The following ELMO1 variants were observed in gnomAD, a reference collection of about 807,000 sequenced individuals.
ELMO1 encodes the protein engulfment and cell motility 1.
In ELMO1, 26 loss-of-function variants were observed where a neutral mutation model predicts 98.9. That is an observed-to-expected ratio of 0.26 (90% CI 0.19 to 0.36). The LOEUF is 0.36. Among genes scored for constraint, ELMO1 ranks in the 10% least tolerant of loss-of-function variants. ELMO1 has a pLI of 1.00. For missense variants in ELMO1, 627 were observed against 935.2 expected (o/e 0.67, Z 4.30); for synonymous variants, 346 against 346.0 (o/e 1.00, Z 0.00).
intron 15 of ELMO1, among the ~76,000 whole-genome samples, chr7:37,047,869 A>G (rs903922209): frequency 3.3e-5 from 5 of 152,114 alleles, no homozygotes; most frequent in Admixed American, 2.0e-4. Flanking sequence ...TTTCCTAGTA[A>G]AAAAAATTGT....
intron 16 of ELMO1, among the ~76,000 whole-genome samples, chr7:36,969,948 T>C (rs1218696483): frequency 6.6e-6 from 1 of 152,160 alleles, no homozygotes; most frequent in Non-Finnish European, 1.5e-5. Flanking sequence ...AGATTTCTAT[T>C]TTTCAAGAAT....
At chr7:37,316,491 C>A (rs1303749981) in intron 2 of ELMO1, among the ~76,000 whole-genome samples, 1 of 152,192 alleles carries the variant, frequency 6.6e-6, no homozygotes, top group Non-Finnish European at 1.5e-5. Flanking sequence ...GCCAATCATG[C>A]AGCAGCTTGA....
At chr7:37,114,202 G>A (rs760230104) in intron 14 of ELMO1, among the ~76,000 whole-genome samples, 1 of 152,190 alleles carries the variant, frequency 6.6e-6, no homozygotes, top group African/African-American at 2.4e-5. Context: ...CTTTCCTAAC[G>A]TTCTGGCTAC....
intron 1 of ELMO1, among the ~76,000 whole-genome samples, chr7:37,431,058 C>T (rs1327178052): frequency 2.6e-5 from 4 of 152,198 alleles, no homozygotes; most frequent in Non-Finnish European, 5.9e-5. Context: ...CTACCTTGGC[C>T]AGGTGCAGTG....
At chr7:37,153,579 G>A (rs1375250559) in intron 13 of ELMO1, among the ~76,000 whole-genome samples, 1 of 152,180 alleles carries the variant, frequency 6.6e-6, no homozygotes, top group Non-Finnish European at 1.5e-5. Flanking sequence ...GCCTGGCAGG[G>A]GGAGGGGTGT....
At chr7:37,016,648 G>A (rs1428396318) in intron 15 of ELMO1, among the ~76,000 whole-genome samples, 3 of 152,212 alleles carry the variant, frequency 2.0e-5, no homozygotes, top group Non-Finnish European at 4.4e-5. Context: ...CCTGCTGACT[G>A]AGAACACTCG....
At chr7:37,288,328 G>T (rs6954443) in intron 4 of ELMO1, among the ~76,000 whole-genome samples, 53,264 of 151,782 alleles carry the variant, frequency 0.35, 10,491 homozygotes, top group Middle Eastern at 0.54. Context: ...GGGTTCAAGC[G>T]ATTCTCCTGC....
intron 4 of ELMO1, among the ~76,000 whole-genome samples, chr7:37,279,868 C>G (rs1375766581): frequency 6.6e-6 from 1 of 152,168 alleles, no homozygotes; most frequent in African/African-American, 2.4e-5. Flanking sequence ...CACGGCCGGC[C>G]TTCCCCCACT....
chr7:37,293,766 CAAAAAA>C (rs56775177), intron 4 of ELMO1, among the ~76,000 whole-genome samples: 37 of 100,884 alleles, frequency 3.7e-4, no homozygotes, highest in Admixed American at 1.5e-3. Context: ...ACTCTATATC[CAAAAAA>C]AAAAAAAAAA....
At position 36,870,162 on chromosome 7, in the gene ELMO1, G is replaced by A. The variant is rs1045714379; in HGVS notation, c.1905+231C>T. ...AATTCTTAGGGTTGGAAGTAGGCAG[G>A]AAGTGAGAGAATGGAAAAGATGGTG... On this transcript the variant is annotated intron_variant, in intron 20 of 21. Transcript: ENST00000310758. The surrounding 1 kb of genome is among the most constrained non-coding windows in gnomAD (Gnocchi z 4.4). Among the ~76,000 whole-genome samples the A allele has an allele frequency of 3.3e-5, 5 of 152,224 alleles. No homozygotes were observed. The highest frequency in any genetic ancestry group is 2.6e-4 in the Admixed American group (4 of 15,288).
At chr7:37,278,050 C>T (rs1796940243) in intron 4 of ELMO1, among the ~76,000 whole-genome samples, 1 of 151,898 alleles carries the variant, frequency 6.6e-6, no homozygotes, top group Non-Finnish European at 1.5e-5. Flanking sequence ...CTTTGAAAGA[C>T]CCAACTAAAC....
At chr7:36,904,965 T>G (rs1356283905) in intron 16 of ELMO1, among the ~76,000 whole-genome samples, 1 of 152,226 alleles carries the variant, frequency 6.6e-6, no homozygotes, top group East Asian at 1.9e-4. Flanking sequence ...GGAAGCTATT[T>G]TCACCAGTGT....
chr7:36,923,628 T>C (rs1451205742), intron 16 of ELMO1, among the ~76,000 whole-genome samples: 1 of 152,214 alleles, frequency 6.6e-6, no homozygotes, highest in Non-Finnish European at 1.5e-5. Flanking sequence ...GAATGGCACA[T>C]CCTGAATTAC....
At chr7:36,974,597 G>A (rs1247869759) in intron 16 of ELMO1, among the ~76,000 whole-genome samples, 10 of 150,990 alleles carry the variant, frequency 6.6e-5, no homozygotes, top group African/African-American at 1.2e-4. Flanking sequence ...ACCAATCAGC[G>A]CCCTGTCAAA....
At chr7:37,350,239 G>C (rs531689886) in intron 1 of ELMO1, among the ~76,000 whole-genome samples, 1 of 152,338 alleles carries the variant, frequency 6.6e-6, no homozygotes, top group Admixed American at 6.5e-5. Flanking sequence ...ACAGAGAATG[G>C]AATCCAGTGT....
chr7:36,973,850 C>A (rs1038757488), intron 16 of ELMO1, among the ~76,000 whole-genome samples: 1 of 152,240 alleles, frequency 6.6e-6, no homozygotes, highest in Admixed American at 6.5e-5. Flanking sequence ...GCCGGCCCTG[C>A]CGTTGCCGAG....
chr7:37,149,666 A>T, intron 13 of ELMO1, among the ~76,000 whole-genome samples: 1 of 152,144 alleles, frequency 6.6e-6, no homozygotes, highest in Non-Finnish European at 1.5e-5. Flanking sequence ...TGGCTCACAA[A>T]ACTTAAAAAT....
At chr7:37,025,931 ATCTAT>A (rs949365744) in intron 15 of ELMO1, among the ~76,000 whole-genome samples, 8 of 149,556 alleles carry the variant, frequency 5.3e-5, no homozygotes, top group African/African-American at 1.5e-4. Flanking sequence ...CTATCTATCT[ATCTAT>A]TTTTTTCTAT....
At chr7:36,869,465 C>T (rs974769905) in intron 20 of ELMO1, among the ~76,000 whole-genome samples, 16 of 152,144 alleles carry the variant, frequency 1.1e-4, no homozygotes, top group African/African-American at 3.9e-4. Context: ...TATTTTAACG[C>T]TGATTGGTAA....
Sources: gnomAD v4.1 joint callset for allele counts (sites outside exome capture counted in the v4.1 genomes callset) on GRCh38, gnomAD v4.1.1 for gene constraint, Gnocchi (gnomAD v3.1) non-coding constraint, MANE v1.5 for transcripts, NCBI Gene and HGNC (gene_info 2026-07-23, HGNC 2026-07-21) for gene names.